Variants in PPM1H observed in about 807,000 individuals in gnomAD.
PPM1H encodes protein phosphatase, Mg2+/Mn2+ dependent 1H, also known as protein phosphatase 1H.
In PPM1H, 27 loss-of-function variants were observed where a neutral mutation model predicts 54.9. The ratio of observed to expected loss-of-function variants is 0.49; its 90% CI spans 0.36 to 0.68. PPM1H has a LOEUF of 0.68. PPM1H is among the 30% of genes least tolerant of loss of function. The pLI is 0.00. For synonymous variants in PPM1H, 305 were observed against 270.8 expected, an observed-to-expected ratio of 1.13 and a Z score of -1.24; for missense variants, 596 against 667.8, an observed-to-expected ratio of 0.89 and a Z score of 1.19.
chr12:62,699,661 T>C (rs535346950), intron 6 of PPM1H, among the ~76,000 whole-genome samples: 1 of 152,364 alleles, frequency 6.6e-6, no homozygotes, highest in South Asian at 2.1e-4. Context: ...CTGATCCAGA[T>C]GGACACTGTC....
rs757585413 is a variant in PPM1H, at chr12:62,693,882, C to G, written c.1137+54G>C. Reference sequence around the variant, plus strand: ...ACGGACTGCCACGGGCTATGTGGAGCGAAGGCGGGACAGAGCCCTGTCCTC... The same window carrying G: ...ACGGACTGCCACGGGCTATGTGGAGGGAAGGCGGGACAGAGCCCTGTCCTC... On this transcript the variant is annotated intron_variant, in intron 7 of 9. Coordinates refer to ENST00000228705, the MANE Select transcript of PPM1H (RefSeq NM_020700.2). 4 of 1,524,806 alleles carry G rather than the reference C, an allele frequency of 2.6e-6. 1 individual carries two copies. The South Asian group carries it at 3.5e-5, about 13-fold the overall frequency. The allele number at this position is 1,524,806 out of a possible 1,614,324, so 94.5% of individuals were successfully genotyped here.
chr12:62,774,194 G>A lies in PPM1H; in HGVS notation c.869+14032C>T, dbSNP rs575233010. Among the ~76,000 whole-genome samples, 24 of 152,286 alleles carry A rather than the reference G, an allele frequency of 1.6e-4. No individual in the cohort carries two copies. In the South Asian group the frequency reaches 5.0e-3, roughly 32 times the overall value. Reference sequence around the variant, plus strand: ...TAACTCCACTTGTTCTTTAAAGCAGGAAACCGGCTCAGAGAGTGAAGTGGA... The same window carrying A: ...TAACTCCACTTGTTCTTTAAAGCAGAAAACCGGCTCAGAGAGTGAAGTGGA... On this transcript the variant is annotated intron_variant, in intron 4 of 9. Transcript: ENST00000228705.
intron 1 of PPM1H, among the ~76,000 whole-genome samples, chr12:62,924,235 G>A (rs776383094): frequency 2.8e-4 from 43 of 152,142 alleles, no homozygotes; most frequent in Non-Finnish European, 5.3e-4. Context: ...TAGCCAACTC[G>A]ACAACTGTAG....
At chr12:62,911,111 T>C (rs1592667350) in intron 1 of PPM1H, among the ~76,000 whole-genome samples, 2 of 152,278 alleles carry the variant, frequency 1.3e-5, no homozygotes, top group Non-Finnish European at 2.9e-5. Flanking sequence ...CCTGAAAAGC[T>C]AGAAGTAATG....
intron 3 of PPM1H, among the ~76,000 whole-genome samples, chr12:62,800,699 C>T (rs2076762592): frequency 6.6e-6 from 1 of 152,216 alleles, no homozygotes; most frequent in African/African-American, 2.4e-5. Context: ...TTATAAATAT[C>T]CTTAAATATC....
In PPM1H at chr12:62,934,494, T is replaced by C. The variant is rs751585362; in HGVS notation, c.243A>G (p.Ala81=). 3.2e-6 allele frequency: 5 copies of C among 1,543,726 alleles called. No homozygotes were observed. In the South Asian group the frequency reaches 6.0e-5, roughly 18 times the overall value. Residue 81 remains alanine, a splice_region_variant and synonymous_variant, in exon 1 of 10, where the codon GCA becomes GCG. Transcript: ENST00000228705. The surrounding 1 kb of genome is among the most constrained non-coding windows in gnomAD (Gnocchi z 4.2). ...GCCGCCGGTGTCGCTGCACTCACTC[T>C]GCGTAGCCAGTGGCCCAGGGCAGCC... The part of the protein sequence containing the change: ...TRRLPWATGY[A]EVINAGKSTH...
chr12:62,857,767 C>T (rs1869442495), intron 1 of PPM1H, among the ~76,000 whole-genome samples: 2 of 152,128 alleles, frequency 1.3e-5, no homozygotes, highest in African/African-American at 4.8e-5. Flanking sequence ...CCCTTGCTTG[C>T]TCTTTATACT....
chr12:62,790,792 G>A (rs929360957), intron 3 of PPM1H, among the ~76,000 whole-genome samples: 3 of 152,188 alleles, frequency 2.0e-5, no homozygotes, highest in Non-Finnish European at 2.9e-5. Flanking sequence ...AGCAGCAAAA[G>A]CTGCAGAAGC....
chr12:62,746,013 G>A (rs1371885726), intron 4 of PPM1H, among the ~76,000 whole-genome samples: 1 of 151,830 alleles, frequency 6.6e-6, no homozygotes, highest in East Asian at 1.9e-4. Context: ...GCAACATACT[G>A]AGACCCTCGT....
chr12:62,930,596 G>A (rs142298822), intron 1 of PPM1H, among the ~76,000 whole-genome samples: 211 of 151,962 alleles, frequency 1.4e-3, no homozygotes, highest in African/African-American at 4.6e-3. Context: ...GGGCAAACAG[G>A]TAAAAAAAGA....
intron 6 of PPM1H, among the ~76,000 whole-genome samples, chr12:62,702,137 T>C (rs1055322884): frequency 1.3e-5 from 2 of 152,226 alleles, no homozygotes; most frequent in East Asian, 1.9e-4. Flanking sequence ...TGGGTTCCCA[T>C]TGGTGATACC....
At chr12:62,903,590 G>A (rs1461462095) in intron 1 of PPM1H, among the ~76,000 whole-genome samples, 2 of 152,176 alleles carry the variant, frequency 1.3e-5, no homozygotes, top group Admixed American at 6.5e-5. Context: ...GATACACTCA[G>A]ACAGAAAATC....
At chr12:62,703,608 C>G (rs759258700) in intron 6 of PPM1H, among the ~76,000 whole-genome samples, 2 of 152,098 alleles carry the variant, frequency 1.3e-5, no homozygotes, top group East Asian at 1.9e-4. Context: ...TCTCAGGAGG[C>G]CTGGGATGAA....
At chr12:62,711,791 G>A (rs577557054) in intron 6 of PPM1H, among the ~76,000 whole-genome samples, 5 of 152,310 alleles carry the variant, frequency 3.3e-5, no homozygotes, top group Middle Eastern at 6.8e-3. Context: ...GCGTGCATGC[G>A]TGTGTAGGGT....
intron 1 of PPM1H, among the ~76,000 whole-genome samples, chr12:62,918,566 T>C (rs1332783027): frequency 6.7e-6 from 1 of 149,174 alleles, no homozygotes; most frequent in Non-Finnish European, 1.5e-5. Flanking sequence ...AACTATTAAA[T>C]AATGTCACAA....
At chr12:62,859,114 C>G (rs768712196) in intron 1 of PPM1H, among the ~76,000 whole-genome samples, 2 of 152,158 alleles carry the variant, frequency 1.3e-5, no homozygotes, top group Non-Finnish European at 2.9e-5. Context: ...TACATTGATC[C>G]AGCTTCAGTA....
chr12:62,757,447 A>G (rs2076483208), intron 4 of PPM1H, among the ~76,000 whole-genome samples: 1 of 152,224 alleles, frequency 6.6e-6, no homozygotes, highest in South Asian at 2.1e-4. Context: ...AGAAACTATT[A>G]TAGTTGCTTA....
intron 6 of PPM1H, among the ~76,000 whole-genome samples, chr12:62,709,882 C>A (rs550241891): frequency 6.6e-6 from 1 of 151,866 alleles, no homozygotes; most frequent in African/African-American, 2.4e-5. Context: ...ACCAGCCTGA[C>A]CAACATGGAG....
At chr12:62,883,601 T>C (rs1472240053) in intron 1 of PPM1H, among the ~76,000 whole-genome samples, 1 of 152,120 alleles carries the variant, frequency 6.6e-6, no homozygotes, top group Admixed American at 6.5e-5. Context: ...CGGCAAACCA[T>C]GTTTGAAAAG....
Sources: gnomAD v4.1 joint callset for allele counts (sites outside exome capture counted in the v4.1 genomes callset) on GRCh38, gnomAD v4.1.1 for gene constraint, Gnocchi (gnomAD v3.1) non-coding constraint, MANE v1.5 for transcripts, NCBI Gene and HGNC (gene_info 2026-07-23, HGNC 2026-07-21) for gene names.